Variants in KLHL23 observed in about 807,000 individuals in gnomAD.
KLHL23 encodes the protein kelch-like protein 23.
A neutral mutation model predicts 48.9 loss-of-function variants in KLHL23; 33 were observed. That is an observed-to-expected ratio of 0.67 (90% confidence interval 0.51 to 0.90). KLHL23 has a LOEUF of 0.90. KLHL23 is among the 40% of genes least tolerant of loss of function. The pLI is 0.00. For synonymous variants in KLHL23, 234 were observed against 231.6 expected (o/e 1.01, Z -0.09); for missense variants, 608 against 669.6 (o/e 0.91, Z 1.02).
chr2:169,735,048 C>G lies in KLHL23; in HGVS notation c.34C>G (p.Leu12Val), dbSNP rs201438379. 3.8e-6 allele frequency: 6 copies of G among 1,573,908 alleles called. No individual in the cohort carries two copies. The East Asian group carries it at 1.3e-4, about 35-fold the overall frequency. The change falls in exon 2 of 4, where the codon CTT becomes GTT. Residue 12 changes from leucine to valine, a missense_variant. By Grantham distance (32) the Leu-to-Val change is conservative (BLOSUM62 1). Transcript: ENST00000392647. This position sits in a 1 kb window ranked among gnomAD's most constrained non-coding sequence, Gnocchi z 4.5. ...AAAAGGACAAGAAGATTATATTTAT[C>G]TTTTCAAGGATTCAACACATCCAGT... ...ALKGQEDYIY[L>V]FKDSTHPVDF...
intron 1 of KLHL23, 41 bp downstream of exon 1, chr2:169,734,128 G>A (rs2105637715): frequency 7.0e-6 from 1 of 143,120 alleles, no homozygotes; most frequent in African/African-American, 2.5e-5. Flanking sequence ...CCGGCCTGCT[G>A]GGAGCGAGCG....
Position 169,733,988 on chromosome 2 carries a change from G to A in KLHL23, c.-102G>A, listed in dbSNP as rs1390421943. The A allele has an allele frequency of 6.6e-6, 1 of 151,940 alleles. No individual in the cohort carries two copies. 9.4% of individuals were successfully genotyped at this position (151,940 alleles called of 1,614,324 possible). A position where few individuals can be genotyped will look rare whatever the true frequency, so the allele number is the denominator to read the frequency against. On this transcript the variant is annotated 5_prime_UTR_variant, in exon 1 of 4. Coordinates refer to ENST00000392647, the MANE Select transcript of KLHL23 (RefSeq NM_144711.6). Reference sequence around the variant, plus strand: ...GGAGCGGCACTAGCTGGCGGCTTCCGAGCGCCTCTTCCAAAGATGGTCAGA... The same window carrying A: ...GGAGCGGCACTAGCTGGCGGCTTCCAAGCGCCTCTTCCAAAGATGGTCAGA...
chr2:169,737,501 A>G (rs1688546734), intron 2 of KLHL23, among the ~76,000 whole-genome samples: 2 of 152,226 alleles, frequency 1.3e-5, no homozygotes, highest in Non-Finnish European at 2.9e-5. Context: ...AGAAATAAGA[A>G]AAGTCCATAT....
chr2:169,734,253 C>A (rs1028030124), intron 1 of KLHL23, among the ~76,000 whole-genome samples, 166 bp downstream of exon 1: 21 of 146,900 alleles, frequency 1.4e-4, no homozygotes, highest in African/African-American at 5.1e-4. Context: ...CCGGGCCGAA[C>A]GCGTTGCGCT....
rs867771076 is a variant in KLHL23, at chr2:169,743,719, G to A, written c.1366+2182G>A. 1.8e-4 allele frequency among the ~76,000 whole-genome samples: 27 copies of A among 152,298 alleles called. No homozygotes were observed. In the South Asian group the frequency reaches 3.9e-3, roughly 22 times the overall value. ...CCCCTAAATGAGGCTTGTGTGCTCC[G>A]TTTCACCACAGTCCTTCCAATTCTC... On this transcript the variant is annotated intron_variant, in intron 3 of 3. Coordinates refer to ENST00000392647, the MANE Select transcript of KLHL23 (RefSeq NM_144711.6).
intron 3 of KLHL23, among the ~76,000 whole-genome samples, chr2:169,743,731 T>A (rs1347706400): frequency 2.0e-5 from 3 of 152,220 alleles, no homozygotes; most frequent in Non-Finnish European, 4.4e-5. Context: ...TTCACCACAG[T>A]CCTTCCAATT....
chr2:169,743,512 T>C (rs1170522030), intron 3 of KLHL23, among the ~76,000 whole-genome samples: 1 of 152,274 alleles, frequency 6.6e-6, no homozygotes, highest in Admixed American at 6.5e-5. Flanking sequence ...TTGCATGATG[T>C]GTTCTGTTTA....
rs997782707 is a variant in KLHL23, at chr2:169,735,305, T to G, written c.291T>G (p.Thr97=). 12 of 1,613,458 alleles carry G rather than the reference T, an allele frequency of 7.4e-6. No individual in the cohort carries two copies. The highest frequency in any genetic ancestry group is 1.3e-5 in the African/African-American group (1 of 74,918). The change falls in exon 2 of 4, where the codon ACT becomes ACG. Residue 97 remains threonine, a synonymous_variant. Coordinates refer to ENST00000392647, the MANE Select transcript of KLHL23 (RefSeq NM_144711.6). The surrounding 1 kb of genome is among the most constrained non-coding windows in gnomAD (Gnocchi z 4.5). ...AAGGCCTTGTAAATTATGCATACAC[T>G]TCCCAAATTGAAATAACTAAAAGAA... ...ILEGLVNYAY[T]SQIEITKRNV... is the part of the protein sequence containing the mutation.
chr2:169,749,545 G>A lies in KLHL23; in HGVS notation c.1490G>A (p.Arg497Lys), dbSNP rs575776361. The change falls in exon 4 of 4, where the codon AGG becomes AAG. Residue 497 changes from arginine (R) to lysine (K), a missense_variant. Around this residue, in one of 3 missense-constraint regions of KLHL23, gnomAD observed 179 missense variants for 169.9 expected, o/e 1.05. Coordinates refer to ENST00000392647, the MANE Select transcript of KLHL23 (RefSeq NM_144711.6). ...AGAGAGATAGCTCCCATGATGGAAAGGAGGATGGAGTGCGGTGCCGTCATC... is the reference window on the plus strand; with the variant it reads ...AGAGAGATAGCTCCCATGATGGAAAAGAGGATGGAGTGCGGTGCCGTCATC... ...EWREIAPMME[R>K]RMECGAVIMN... 3.1e-6 allele frequency: 5 copies of A among 1,614,126 alleles called. No homozygotes were observed. The South Asian group carries it at 4.4e-5, about 14-fold the overall frequency.
In KLHL23 at chr2:169,751,215, T is replaced by C. The variant is rs1688962180; in HGVS notation, c.*1483T>C. On this transcript the variant is annotated 3_prime_UTR_variant, in exon 4 of 4. Transcript: ENST00000392647. ...CATGTGTGCCATAACTTGGGAATAG[T>C]TGGGATGTGTTGCTTAACTCCTTTA... The C allele has an allele frequency of 6.6e-6, 1 of 152,322 alleles. No individual in the cohort carries two copies. Among genetic ancestry groups the C allele is most frequent in the East Asian group, 1.9e-4 (1 of 5,184 alleles). 9.4% of individuals were successfully genotyped at this position (152,322 alleles called of 1,614,324 possible).
chr2:169,739,320 T>G (rs1404699896), intron 2 of KLHL23, among the ~76,000 whole-genome samples: 1 of 151,998 alleles, frequency 6.6e-6, no homozygotes, highest in Non-Finnish European at 1.5e-5. Context: ...TGTTAGTTGC[T>G]CTATTCCTCT....
At position 169,740,766 on chromosome 2, in the gene KLHL23, T is replaced by TAATATATATATATATATATATATA. The variant is rs1553477017; in HGVS notation, c.1214-619_1214-618insAATATATATATATATATATATATA. 5.8e-3 allele frequency among the ~76,000 whole-genome samples: 721 copies of TAATATATATATATATATATATATA among 125,314 alleles called. 22 individuals carry two copies. Among genetic ancestry groups the TAATATATATATATATATATATATA allele is most frequent in the Middle Eastern group, 0.02 (5 of 256 alleles). 82.2% of individuals were successfully genotyped at this position (125,314 alleles called of 152,430 possible). A position where few individuals can be genotyped will look rare whatever the true frequency, so the allele number is the denominator to read the frequency against. On this transcript the variant is annotated intron_variant, in intron 2 of 3. Transcript: ENST00000392647. Reference sequence around the variant, plus strand: ...CCCGGCCTCTATAAGCTTTTTTATATTATATATATATATATATATATATAT... The same window carrying TAATATATATATATATATATATATA: ...CCCGGCCTCTATAAGCTTTTTTATATAATATATATATATATATATATATATATATATATATATATATATATATAT...
At position 169,735,551 on chromosome 2, in the gene KLHL23, C is replaced by T. The variant is rs1688489129; in HGVS notation, c.537C>T (p.Ser179=). The T allele has an allele frequency of 6.2e-7, 1 of 1,613,552 alleles. No homozygotes were observed. The highest frequency in any genetic ancestry group is 1.1e-5 in the South Asian group (1 of 90,942). The change falls in exon 2 of 4, where the codon AGC becomes AGT. Residue 179 remains serine, a synonymous_variant. Transcript: ENST00000392647. The surrounding 1 kb of genome is among the most constrained non-coding windows in gnomAD (Gnocchi z 4.5). ...VWQQEEFLEI[S]LEKFLFILSR... is the part of the protein sequence containing the mutation. ...AACAAGAAGAATTTCTGGAAATCAGCCTTGAAAAGTTTCTCTTTATCTTGT... is the reference window on the plus strand; with the variant it reads ...AACAAGAAGAATTTCTGGAAATCAGTCTTGAAAAGTTTCTCTTTATCTTGT...
rs11444477 is a variant in KLHL23, at chr2:169,750,043, A to ACGTATGTATACATATATGTGTATATAT, written c.*311_*312insCGTATGTATACATATATGTGTATATAT. ...TGTATGTATACATATGTGTATATATAGTATGTATGTATACATGTATGTGTA... is the reference window on the plus strand; with the variant it reads ...TGTATGTATACATATGTGTATATATACGTATGTATACATATATGTGTATATATGTATGTATGTATACATGTATGTGTA... On this transcript the variant is annotated 3_prime_UTR_variant, in exon 4 of 4. Coordinates refer to ENST00000392647, the MANE Select transcript of KLHL23 (RefSeq NM_144711.6). 1 of 21,342 alleles carries ACGTATGTATACATATATGTGTATATAT rather than the reference A, an allele frequency of 4.7e-5. No individual in the cohort carries two copies. The highest frequency in any genetic ancestry group is 1.1e-4 in the Non-Finnish European group (1 of 9,276). The allele number at this position is 21,342 out of a possible 1,614,324, so 1.3% of individuals were successfully genotyped here.
chr2:169,737,393 C>T (rs1397168898), intron 2 of KLHL23, among the ~76,000 whole-genome samples: 3 of 152,110 alleles, frequency 2.0e-5, no homozygotes, highest in African/African-American at 7.2e-5. Flanking sequence ...GCAGAAAGCC[C>T]GGTGCTGTTG....
At chr2:169,738,073 C>T (rs1454306204) in intron 2 of KLHL23, among the ~76,000 whole-genome samples, 3 of 152,138 alleles carry the variant, frequency 2.0e-5, no homozygotes, top group African/African-American at 7.2e-5. Context: ...ACCCTCATAC[C>T]TCAAAGTCCT....
chr2:169,749,913 T>TATATATATATATATATATATATA lies in KLHL23; in HGVS notation c.*181_*182insATATATATATATATATATATATA. Reference sequence around the variant, plus strand: ...TGGTGATTCATGGTCAAGAAAAATCTTATATATATATATATATACACACAC... The same window carrying TATATATATATATATATATATATA: ...TGGTGATTCATGGTCAAGAAAAATCTATATATATATATATATATATATATATATATATATATATATACACACAC... On this transcript the variant is annotated 3_prime_UTR_variant, in exon 4 of 4. Coordinates refer to ENST00000392647, the MANE Select transcript of KLHL23 (RefSeq NM_144711.6). The TATATATATATATATATATATATA allele has an allele frequency of 9.3e-6, 2 of 216,118 alleles. No individual in the cohort carries two copies. The highest frequency in any genetic ancestry group is 1.2e-4 in the East Asian group (2 of 16,190). 13.4% of individuals were successfully genotyped at this position (216,118 alleles called of 1,614,324 possible). A position where few individuals can be genotyped will look rare whatever the true frequency, so the allele number is the denominator to read the frequency against.
At chr2:169,740,436 T>TA (rs924367846) in intron 2 of KLHL23, among the ~76,000 whole-genome samples, 1 of 150,798 alleles carries the variant, frequency 6.6e-6, no homozygotes, top group African/African-American at 2.4e-5. Context: ...ACTTTCTTTT[T>TA]ATCCTTATTC....
chr2:169,744,675 C>T (rs1309891262), intron 3 of KLHL23, among the ~76,000 whole-genome samples: 1 of 151,720 alleles, frequency 6.6e-6, no homozygotes, highest in Non-Finnish European at 1.5e-5. Context: ...TCTCCTGCCT[C>T]AACGTCCCAA....
Sources: allele counts gnomAD v4.1 joint callset (sites outside exome capture counted in the v4.1 genomes callset), GRCh38; gene constraint gnomAD v4.1.1; regional missense constraint gnomAD v4.1.1; non-coding constraint Gnocchi (gnomAD v3.1); transcripts MANE v1.5; gene names NCBI Gene and HGNC (gene_info 2026-07-23, HGNC 2026-07-21).